Variants in KYAT1 observed in about 807,000 individuals in gnomAD.
KYAT1 encodes the protein kynurenine aminotransferase 1, also known as kynurenine--oxoglutarate transaminase 1.
Under a neutral mutation model 52.4 loss-of-function variants are expected in KYAT1, and 47 were observed. The observed-to-expected ratio is 0.90, with a 90% CI of 0.71 to 1.14. KYAT1 has a LOEUF of 1.14. KYAT1 is among the 50% of genes most tolerant of loss of function. The pLI is 0.00. For synonymous variants in KYAT1, 212 were observed against 209.6 expected (o/e 1.01, Z -0.10); for missense variants, 480 against 557.9 (o/e 0.86, Z 1.41).
chr9:128,876,799 T>C (rs1327331769), intron 1 of KYAT1, among the ~76,000 whole-genome samples: 1 of 149,028 alleles, frequency 6.7e-6, no homozygotes, highest in Non-Finnish European at 1.5e-5. Flanking sequence ...CAATCTTGGC[T>C]CACTGCAACC....
chr9:128,846,596 C>T, intron 1 of KYAT1: 1 of 917,366 alleles, frequency 1.1e-6, no homozygotes, highest in Non-Finnish European at 1.5e-6. Context: ...GAGCAAGACT[C>T]TACCAAAAAA....
intron 3 of KYAT1, among the ~76,000 whole-genome samples, chr9:128,840,289 GTT>G (rs1831916191): frequency 2.6e-5 from 4 of 151,966 alleles, no homozygotes; most frequent in African/African-American, 9.7e-5. Context: ...TGTTGTTGTT[GTT>G]GTTGTCACCC....
intron 1 of KYAT1, among the ~76,000 whole-genome samples, chr9:128,864,292 G>A (rs1835874029): frequency 6.6e-6 from 1 of 150,664 alleles, no homozygotes; most frequent in African/African-American, 2.4e-5. Flanking sequence ...TGTGAACCCG[G>A]GAGGCGAAGA....
In KYAT1 at chr9:128,833,353, G is replaced by A; in HGVS notation, c.*231C>T. ...AGACCCTACAAACCCACCTATGGAG[G>A]GGCAGGGAGAGGCCCAGGTCAGGCC... On this transcript the variant is annotated 3_prime_UTR_variant, in exon 13 of 13. Coordinates refer to ENST00000302586, the MANE Select transcript of KYAT1 (RefSeq NM_004059.5). 5.0e-6 allele frequency: 3 copies of A among 606,022 alleles called. No homozygotes were observed. 37.5% of individuals were successfully genotyped at this position (606,022 alleles called of 1,614,324 possible). A position where few individuals can be genotyped will look rare whatever the true frequency, so the allele number is the denominator to read the frequency against.
intron 1 of KYAT1, among the ~76,000 whole-genome samples, chr9:128,853,232 C>A (rs1185960223): frequency 6.6e-6 from 1 of 152,180 alleles, no homozygotes; most frequent in Non-Finnish European, 1.5e-5. Context: ...GAATTATTGA[C>A]AATCATTACC....
intron 1 of KYAT1, among the ~76,000 whole-genome samples, chr9:128,865,334 TATATATATATATATATATATATA>T (rs1564491589): frequency 0.035 from 87 of 2,456 alleles, 13 homozygotes; most frequent in African/African-American, 0.074. Context: ...TATATATATA[TATATATATATATATATATATATA>T]TATTTTTTTT....
chr9:128,875,256 T>TG (rs1176878805), intron 1 of KYAT1, among the ~76,000 whole-genome samples: 1 of 149,208 alleles, frequency 6.7e-6, no homozygotes, highest in African/African-American at 2.5e-5. Flanking sequence ...TTGTTTTTTT[T>TG]TTTTTTTTGG....
chr9:128,837,973 C>T, intron 5 of KYAT1, 78 bp downstream of exon 5: 1 of 1,539,938 alleles, frequency 6.5e-7, no homozygotes, highest in Non-Finnish European at 9.0e-7. Flanking sequence ...TTCTTTCCTC[C>T]TTTTCCAACT....
At chr9:128,841,365 T>A (rs771646112) in intron 3 of KYAT1, among the ~76,000 whole-genome samples, 17 of 151,898 alleles carry the variant, frequency 1.1e-4, no homozygotes, top group Non-Finnish European at 2.5e-4. Context: ...TAGCTGGGCA[T>A]GGTGGCGGGC....
At chr9:128,852,370 T>C (rs940654533) in intron 1 of KYAT1, among the ~76,000 whole-genome samples, 1 of 152,152 alleles carries the variant, frequency 6.6e-6, no homozygotes, top group African/African-American at 2.4e-5. Flanking sequence ...TTTTGAAAAA[T>C]TTGCTTTTAC....
At chr9:128,859,648 G>A (rs1406270834) in intron 1 of KYAT1, among the ~76,000 whole-genome samples, 1 of 150,192 alleles carries the variant, frequency 6.7e-6, no homozygotes, top group Non-Finnish European at 1.5e-5. Flanking sequence ...ACCTTGCCCA[G>A]CCATTTTTTT....
intron 1 of KYAT1, among the ~76,000 whole-genome samples, chr9:128,851,526 G>C (rs1833957478): frequency 6.6e-6 from 1 of 152,202 alleles, no homozygotes; most frequent in East Asian, 1.9e-4. Context: ...TCCAGAACAA[G>C]GAACTTTAGA....
chr9:128,865,348 T>TACATAC (rs1836182985), intron 1 of KYAT1, among the ~76,000 whole-genome samples: 2 of 3,764 alleles, frequency 5.3e-4, no homozygotes, highest in African/African-American at 1.1e-3. Context: ...TATATATATA[T>TACATAC]ATATATATAT....
At chr9:128,870,357 T>C (rs1294469473) in intron 1 of KYAT1, among the ~76,000 whole-genome samples, 1 of 152,134 alleles carries the variant, frequency 6.6e-6, no homozygotes, top group East Asian at 1.9e-4. Flanking sequence ...CAAAAATATA[T>C]TAAGTGAGGC....
intron 10 of KYAT1, 31 bp downstream of exon 10, chr9:128,835,450 C>T (rs748347564): frequency 8.1e-6 from 13 of 1,613,304 alleles, no homozygotes; most frequent in African/African-American, 5.3e-5. Flanking sequence ...CCAGCCCCTG[C>T]GCCCTGCCCA....
At chr9:128,848,318 C>CAAAAAAAA (rs56157823) in intron 1 of KYAT1, among the ~76,000 whole-genome samples, 2 of 73,590 alleles carry the variant, frequency 2.7e-5, no homozygotes, top group Non-Finnish European at 4.9e-5. Flanking sequence ...AGATATGTCT[C>CAAAAAAAA]AAAAAAAAAA....
At chr9:128,856,154 C>T (rs1484924943) in intron 1 of KYAT1, among the ~76,000 whole-genome samples, 1 of 152,132 alleles carries the variant, frequency 6.6e-6, no homozygotes, top group African/African-American at 2.4e-5. Context: ...GAGAAGATAA[C>T]CTTACTTTAG....
At chr9:128,847,495 G>A (rs1308419269) in intron 1 of KYAT1, 1 of 1,536,022 alleles carries the variant, frequency 6.5e-7, no homozygotes, top group African/African-American at 1.4e-5. Flanking sequence ...GGCCCCACCA[G>A]GTGCACAGAG....
chr9:128,838,452 C>G, intron 3 of KYAT1, 85 bp from the exon 4 acceptor site: 2 of 1,538,076 alleles, frequency 1.3e-6, no homozygotes, highest in Non-Finnish European at 1.8e-6. Flanking sequence ...CTAGCACCTT[C>G]CAGCAGCAGG....
Sources: allele counts gnomAD v4.1 joint callset (sites outside exome capture counted in the v4.1 genomes callset), GRCh38; gene constraint gnomAD v4.1.1; transcripts MANE v1.5; gene names NCBI Gene and HGNC (gene_info 2026-07-23, HGNC 2026-07-21).